Variants in NAAA observed in about 807,000 individuals in gnomAD.
The protein encoded by NAAA is N-acylethanolamine acid amidase.
Under a neutral mutation model 44.8 loss-of-function variants are expected in NAAA, and 39 were observed. That is an observed-to-expected ratio of 0.87 (90% CI 0.67 to 1.14). The LOEUF (loss-of-function observed/expected upper bound fraction) is 1.14, where lower values mean the gene tolerates loss of function less well. NAAA is among the 50% of genes most tolerant of loss of function. The probability of loss-of-function intolerance (pLI) is 0.00; values close to 1 mark genes in which losing one functional copy is unlikely to be tolerated. For missense variants in NAAA, 460 were observed against 467.8 expected (o/e 0.98, Z 0.15); for synonymous variants, 178 against 191.3 (o/e 0.93, Z 0.58).
intron 5 of NAAA, among the ~76,000 whole-genome samples, chr4:75,924,609 G>C (rs936977141): frequency 6.6e-6 from 1 of 152,180 alleles, no homozygotes; most frequent in East Asian, 1.9e-4. Context: ...TAATGTGTTT[G>C]CTTTGCTAGT....
intron 4 of NAAA, among the ~76,000 whole-genome samples, chr4:75,926,657 G>C (rs1033726327): frequency 2.0e-5 from 3 of 151,366 alleles, no homozygotes; most frequent in African/African-American, 7.3e-5. Context: ...AATATCCAGA[G>C]TATTCAGAGA....
At chr4:75,935,614 G>A (rs78296544) in intron 3 of NAAA, 1,596 of 155,612 alleles carry the variant, frequency 0.01, 27 homozygotes, top group African/African-American at 0.036. Context: ...TATAACTATC[G>A]CAGTAAAGTA....
intron 4 of NAAA, among the ~76,000 whole-genome samples, chr4:75,928,093 T>A (rs891210049): frequency 6.6e-6 from 1 of 151,960 alleles, no homozygotes; most frequent in African/African-American, 2.4e-5. Flanking sequence ...CCAGACCTTA[T>A]TCCTCCTGTC....
rs1725424395 is a variant in NAAA at position 75,913,668 on chromosome 4, A to G, written c.*707T>C. 1.0e-6 allele frequency: 1 copy of G among 980,882 alleles called. No individual in the cohort carries two copies. The allele number at this position is 980,882 out of a possible 1,614,324, so 60.8% of individuals were successfully genotyped here. A position where few individuals can be genotyped will look rare whatever the true frequency, so the allele number is the denominator to read the frequency against. On this transcript the variant is annotated 3_prime_UTR_variant, in exon 11 of 11. Coordinates refer to ENST00000286733, the MANE Select transcript of NAAA (RefSeq NM_014435.4). ...GAGAGCATAACGCTAAGTTTCTTGG[A>G]AATTTTTTTATTCTCCTTGCCAACA...
In NAAA at chr4:75,918,804, G is replaced by A. The variant is rs1373474426; in HGVS notation, c.970-15C>T. On this transcript the variant is annotated splice_polypyrimidine_tract_variant and intron_variant, in intron 8 of 10. Coordinates refer to ENST00000286733, the MANE Select transcript of NAAA (RefSeq NM_014435.4). ...ACCGACAAAATCTGCATAGGAAAAAGTCATTTTATAGAGAAGATTACATGG... is the reference window on the plus strand; with the variant it reads ...ACCGACAAAATCTGCATAGGAAAAAATCATTTTATAGAGAAGATTACATGG... 3 of 1,608,614 alleles carry A rather than the reference G, an allele frequency of 1.9e-6. No homozygotes were observed. The highest frequency in any genetic ancestry group is 2.7e-5 in the African/African-American group (2 of 74,694).
intron 1 of NAAA, 59 bp from the exon 2 acceptor site, chr4:75,940,224 C>T: frequency 6.4e-7 from 1 of 1,563,186 alleles, no homozygotes; most frequent in Non-Finnish European, 8.7e-7. Flanking sequence ...CGTGCGACTG[C>T]GTGTGCACTG....
intron 5 of NAAA, among the ~76,000 whole-genome samples, chr4:75,924,111 C>T (rs943857186): frequency 3.3e-5 from 5 of 152,268 alleles, no homozygotes; most frequent in Non-Finnish European, 2.9e-5. Context: ...CTCTTTCTTT[C>T]GCCTGTTAAA....
At chr4:75,920,403 C>G (rs1427579931) in intron 7 of NAAA, among the ~76,000 whole-genome samples, 2 of 152,156 alleles carry the variant, frequency 1.3e-5, no homozygotes, top group Non-Finnish European at 2.9e-5. Context: ...AATATCTTGC[C>G]TAGAAGACCA....
At chr4:75,931,967 C>T (rs780516851) in intron 3 of NAAA, among the ~76,000 whole-genome samples, 4 of 152,198 alleles carry the variant, frequency 2.6e-5, no homozygotes, top group Non-Finnish European at 4.4e-5. Flanking sequence ...CAGTGGCTCA[C>T]GCCTGTAATC....
At chr4:75,915,707 A>ATC (rs2149241247) in intron 9 of NAAA, among the ~76,000 whole-genome samples, 2 of 152,304 alleles carry the variant, frequency 1.3e-5, no homozygotes, top group South Asian at 4.2e-4. Context: ...GGGGGGTGGT[A>ATC]TCACAACTAG....
intron 4 of NAAA, among the ~76,000 whole-genome samples, chr4:75,928,489 C>G (rs979534917): frequency 6.6e-6 from 1 of 152,044 alleles, no homozygotes; most frequent in African/African-American, 2.4e-5. Context: ...GTGCCATTTT[C>G]TGAGACATGG....
intron 8 of NAAA, chr4:75,919,319 G>A (rs1317059337): frequency 6.4e-6 from 1 of 155,336 alleles, no homozygotes; most frequent in South Asian, 2.0e-4. Flanking sequence ...TGGGATTATA[G>A]GTGTGAGCCA....
At position 75,914,088 on chromosome 4, in the gene NAAA, A is replaced by G. The variant is rs1013679169; in HGVS notation, c.*287T>C. 5 of 985,394 alleles carry G rather than the reference A, an allele frequency of 5.1e-6. No homozygotes were observed. The highest frequency in any genetic ancestry group is 6.2e-5 in the Admixed American group (1 of 16,250). 61.0% of individuals were successfully genotyped at this position (985,394 alleles called of 1,614,324 possible). On this transcript the variant is annotated 3_prime_UTR_variant, in exon 11 of 11. Coordinates refer to ENST00000286733, the MANE Select transcript of NAAA (RefSeq NM_014435.4). Reference sequence around the variant, plus strand: ...GGATATGGCTTGATCTCTGAGACCAATTATCTTTGAGTTATTCAGGCCAGG... The same window carrying G: ...GGATATGGCTTGATCTCTGAGACCAGTTATCTTTGAGTTATTCAGGCCAGG...
chr4:75,936,057 C>G, intron 3 of NAAA, 52 bp downstream of exon 3: 2 of 1,609,536 alleles, frequency 1.2e-6, no homozygotes, highest in Non-Finnish European at 1.7e-6. Context: ...TGACTGCTAA[C>G]TTGAGTTTGC....
In NAAA at chr4:75,920,737, C is replaced by A. The variant is rs1418623997; in HGVS notation, c.902+1G>T. 3 of 1,614,122 alleles carry A rather than the reference C, an allele frequency of 1.9e-6. No homozygotes were observed. Among genetic ancestry groups the A allele is most frequent in the Non-Finnish European group, 2.5e-6 (3 of 1,180,042 alleles). On this transcript the variant is annotated splice_donor_variant, in intron 7 of 10. Transcript: ENST00000286733. LOFTEE classifies it high-confidence loss of function. ...AAACCAGAAAGCACGTAGCAGCCTA[C>A]CTCCGGTCATCTTCCTTGGGTGCTG... is the stretch of plus-strand genomic sequence containing the variant.
At chr4:75,940,217 G>A in intron 1 of NAAA, 52 bp from the exon 2 acceptor site, 1 of 1,577,906 alleles carries the variant, frequency 6.3e-7, no homozygotes, top group Non-Finnish European at 8.6e-7. Context: ...TCGGCGGCGT[G>A]CGACTGCGTG....
intron 3 of NAAA, among the ~76,000 whole-genome samples, chr4:75,932,063 C>G (rs976479988): frequency 1.3e-5 from 2 of 152,182 alleles, no homozygotes; most frequent in African/African-American, 4.8e-5. Flanking sequence ...AACCTGGATT[C>G]TACTAAAAAT....
rs1014784002 is a variant in NAAA, at chr4:75,914,134, G to A, written c.*241C>T. On this transcript the variant is annotated 3_prime_UTR_variant, in exon 11 of 11. Coordinates refer to ENST00000286733, the MANE Select transcript of NAAA (RefSeq NM_014435.4). ...CCAGGATAGAAGCTTAGAGAGGATC[G>A]AGGCAAACCATGAAGGGAAGGGAAT... 23 of 985,656 alleles carry A rather than the reference G, an allele frequency of 2.3e-5. No homozygotes were observed. Among genetic ancestry groups the A allele is most frequent in the African/African-American group, 3.5e-5 (2 of 57,342 alleles). The allele number at this position is 985,656 out of a possible 1,614,324, so 61.1% of individuals were successfully genotyped here.
Position 75,914,129 on chromosome 4 carries a change from G to A in NAAA, c.*246C>T. On this transcript the variant is annotated 3_prime_UTR_variant, in exon 11 of 11. Transcript: ENST00000286733. ...TCAGGCCAGGATAGAAGCTTAGAGA[G>A]GATCGAGGCAAACCATGAAGGGAAG... 2.0e-6 allele frequency: 2 copies of A among 985,680 alleles called. No homozygotes were observed. Among genetic ancestry groups the A allele is most frequent in the Non-Finnish European group, 2.4e-6 (2 of 829,944 alleles). 61.1% of individuals were successfully genotyped at this position (985,680 alleles called of 1,614,324 possible).
Sources: allele counts gnomAD v4.1 joint callset (sites outside exome capture counted in the v4.1 genomes callset), GRCh38; gene constraint gnomAD v4.1.1; transcripts MANE v1.5; gene names NCBI Gene and HGNC (gene_info 2026-07-23, HGNC 2026-07-21).